Variants in RSRC1 observed in about 807,000 individuals in gnomAD.
The protein encoded by RSRC1 is serine/Arginine-related protein 53.
A neutral mutation model predicts 49.1 loss-of-function variants in RSRC1; 39 were observed. That is an observed-to-expected ratio of 0.79 (90% CI 0.61 to 1.04). The LOEUF is 1.04. RSRC1 is among the 50% of genes least tolerant of loss of function. The pLI, the probability that RSRC1 is intolerant of heterozygous loss-of-function variation, is 0.00. For missense variants in RSRC1, 388 were observed against 402.4 expected, an observed-to-expected ratio of 0.96 and a Z score of 0.31; for synonymous variants, 143 against 130.8, an observed-to-expected ratio of 1.09 and a Z score of -0.63.
chr3:158,308,860 T>A (rs962253672), intron 5 of RSRC1, among the ~76,000 whole-genome samples: 1 of 152,016 alleles, frequency 6.6e-6, no homozygotes, highest in African/African-American at 2.4e-5. Flanking sequence ...CCACCAGATT[T>A]TCTCATTTTT....
intron 5 of RSRC1, among the ~76,000 whole-genome samples, chr3:158,337,999 T>C (rs1307497883): frequency 6.6e-6 from 1 of 152,222 alleles, no homozygotes; most frequent in East Asian, 1.9e-4. Context: ...GAGGCTTTTG[T>C]ATGGCTATGT....
intron 3 of RSRC1, among the ~76,000 whole-genome samples, chr3:158,163,386 A>T (rs1718354131): frequency 6.6e-6 from 1 of 152,168 alleles, no homozygotes; most frequent in Admixed American, 6.6e-5. Context: ...AAGTTGCTGT[A>T]GACATTTTAG....
chr3:158,349,114 G>A (rs527768316), intron 5 of RSRC1, among the ~76,000 whole-genome samples: 15 of 151,962 alleles, frequency 9.9e-5, no homozygotes, highest in African/African-American at 3.6e-4. Context: ...TTGAATGGTG[G>A]TTCTATTTTT....
intron 3 of RSRC1, among the ~76,000 whole-genome samples, chr3:158,169,250 A>T (rs930078052): frequency 2.6e-5 from 4 of 152,198 alleles, no homozygotes; most frequent in African/African-American, 9.6e-5. Context: ...TCAAAGGATT[A>T]TGCTAACCCT....
chr3:158,254,557 G>A (rs1274285838), intron 4 of RSRC1, among the ~76,000 whole-genome samples: 11 of 151,784 alleles, frequency 7.2e-5, no homozygotes, highest in East Asian at 1.9e-4. Flanking sequence ...TCACCCTCCC[G>A]AGTAGCTGGG....
At chr3:158,505,092 C>T (rs937792348) in intron 7 of RSRC1, among the ~76,000 whole-genome samples, 2 of 152,212 alleles carry the variant, frequency 1.3e-5, no homozygotes, top group Admixed American at 1.3e-4. Context: ...GTTCATTACA[C>T]AGTTGATGCA....
At chr3:158,335,132 G>A (rs1729811504) in intron 5 of RSRC1, among the ~76,000 whole-genome samples, 1 of 152,192 alleles carries the variant, frequency 6.6e-6, no homozygotes, top group South Asian at 2.1e-4. Flanking sequence ...AAGAAATGAA[G>A]AGGGTACTCA....
chr3:158,408,834 C>A (rs985236936), intron 6 of RSRC1, among the ~76,000 whole-genome samples: 41 of 152,042 alleles, frequency 2.7e-4, no homozygotes, highest in African/African-American at 8.9e-4. Flanking sequence ...GAGTTTGAGA[C>A]CAGCCTGGCC....
At chr3:158,484,645 A>C (rs1738747336) in intron 7 of RSRC1, among the ~76,000 whole-genome samples, 1 of 152,128 alleles carries the variant, frequency 6.6e-6, no homozygotes. Context: ...TGCTTTTGAA[A>C]GGTAGAAATT....
chr3:158,277,201 G>A (rs1272158613), intron 4 of RSRC1, among the ~76,000 whole-genome samples: 2 of 152,130 alleles, frequency 1.3e-5, no homozygotes, highest in African/African-American at 4.8e-5. Context: ...ATTCCTTTTG[G>A]GGAGCTAGCA....
intron 7 of RSRC1, among the ~76,000 whole-genome samples, chr3:158,472,552 G>A (rs1738183561): frequency 6.6e-6 from 1 of 152,114 alleles, no homozygotes; most frequent in Non-Finnish European, 1.5e-5. Context: ...GAAAAACACT[G>A]CTCTGAAGTA....
intron 7 of RSRC1, among the ~76,000 whole-genome samples, chr3:158,468,792 T>C (rs1414922721): frequency 1.3e-5 from 2 of 152,044 alleles, no homozygotes; most frequent in Non-Finnish European, 2.9e-5. Context: ...TTTCTTAGCA[T>C]AAAAAAATGA....
At chr3:158,125,334 T>G (rs1267275828) in intron 3 of RSRC1, among the ~76,000 whole-genome samples, 1 of 152,108 alleles carries the variant, frequency 6.6e-6, no homozygotes, top group Non-Finnish European at 1.5e-5. Context: ...GACTTTTCTT[T>G]TTTTCTTAAA....
chr3:158,419,338 C>T (rs1734915325), intron 6 of RSRC1, among the ~76,000 whole-genome samples: 1 of 151,842 alleles, frequency 6.6e-6, no homozygotes, highest in African/African-American at 2.4e-5. Flanking sequence ...AACTGATGCT[C>T]TAACTCTCAG....
chr3:158,271,637 C>T (rs765332142), intron 4 of RSRC1, among the ~76,000 whole-genome samples: 24 of 152,018 alleles, frequency 1.6e-4, no homozygotes, highest in South Asian at 2.1e-4. Context: ...ATCTTACCTA[C>T]ATTTGTTTGT....
intron 3 of RSRC1, among the ~76,000 whole-genome samples, chr3:158,163,157 C>T (rs1718341905): frequency 6.6e-6 from 1 of 152,092 alleles, no homozygotes; most frequent in Non-Finnish European, 1.5e-5. Flanking sequence ...GCACCGCCAG[C>T]ATAGCTGGCT....
intron 5 of RSRC1, among the ~76,000 whole-genome samples, chr3:158,334,535 C>T (rs1327547153): frequency 3.3e-5 from 5 of 149,966 alleles, no homozygotes; most frequent in African/African-American, 4.9e-5. Context: ...GGCTGGAGTG[C>T]AGTGGTGCGA....
At chr3:158,164,239 A>G (rs1248638149) in intron 3 of RSRC1, among the ~76,000 whole-genome samples, 2 of 152,240 alleles carry the variant, frequency 1.3e-5, no homozygotes, top group Middle Eastern at 3.4e-3. Flanking sequence ...GCAAACGCAA[A>G]TTACAGAGAA....
At chr3:158,448,395 G>A (rs1736840380) in intron 6 of RSRC1, among the ~76,000 whole-genome samples, 1 of 151,556 alleles carries the variant, frequency 6.6e-6, no homozygotes, top group Non-Finnish European at 1.5e-5. Context: ...AAAAATGTTG[G>A]GTAAGCATCA....
Sources: gnomAD v4.1 joint callset for allele counts (sites outside exome capture counted in the v4.1 genomes callset) on GRCh38, gnomAD v4.1.1 for gene constraint, MANE v1.5 for transcripts, NCBI Gene and HGNC (gene_info 2026-07-23, HGNC 2026-07-21) for gene names.